The following PTPRD variants were observed in gnomAD, a reference collection of about 807,000 sequenced individuals.
PTPRD encodes receptor-type tyrosine-protein phosphatase delta.
In PTPRD, 34 loss-of-function variants were observed where a neutral mutation model predicts 214.5. That is an observed-to-expected ratio of 0.16 (90% CI 0.12 to 0.21). The LOEUF is 0.21. Among genes scored for constraint, PTPRD ranks in the 10% least tolerant of loss-of-function variants. PTPRD has a pLI of 1.00. For missense variants in PTPRD, 2,545 were observed against 2,398.7 expected (o/e 1.06, Z -1.27); for synonymous variants, 1,128 against 845.7 (o/e 1.33, Z -5.79).
intron 2 of PTPRD, among the ~76,000 whole-genome samples, chr9:10,360,374 A>G (rs1234224416): frequency 6.6e-6 from 1 of 152,252 alleles, no homozygotes; most frequent in East Asian, 1.9e-4. Flanking sequence ...TTATTTTACT[A>G]TATCAGACAA....
At chr9:9,108,960 C>T (rs781130286) in intron 10 of PTPRD, among the ~76,000 whole-genome samples, 7 of 152,148 alleles carry the variant, frequency 4.6e-5, no homozygotes, top group Non-Finnish European at 1.0e-4. Flanking sequence ...TCTCATTCAA[C>T]TGAACCCAAT....
Position 9,114,545 on chromosome 9 carries a change from T to C in PTPRD, c.-143+68759A>G, listed in dbSNP as rs915334835. 7.2e-5 allele frequency among the ~76,000 whole-genome samples: 11 copies of C among 152,108 alleles called. No homozygotes were observed. In the East Asian group the frequency reaches 9.6e-4, roughly 13 times the overall value. ...CTTTTTAACCACATCAACATGAATA[T>C]TGACATTCTCCTGAGACCCAGTGTA... On this transcript the variant is annotated intron_variant, in intron 10 of 45. Coordinates refer to ENST00000381196, the MANE Select transcript of PTPRD (RefSeq NM_002839.4).
intron 8 of PTPRD, among the ~76,000 whole-genome samples, chr9:9,426,976 G>GA (rs1432742662): frequency 6.6e-6 from 1 of 152,162 alleles, no homozygotes; most frequent in African/African-American, 2.4e-5. Context: ...CAGAAAAGAT[G>GA]AAAAATCTAA....
chr9:10,292,830 T>C (rs1269771223), intron 3 of PTPRD, among the ~76,000 whole-genome samples: 2 of 151,928 alleles, frequency 1.3e-5, no homozygotes, highest in Non-Finnish European at 2.9e-5. Flanking sequence ...TTCTTCCATT[T>C]AATGTTACTG....
chr9:10,499,614 T>C (rs1206416032), intron 2 of PTPRD, among the ~76,000 whole-genome samples: 1 of 151,896 alleles, frequency 6.6e-6, no homozygotes, highest in African/African-American at 2.4e-5. Context: ...TAAATAGATA[T>C]GAACTTGTTT....
At chr9:9,652,106 G>C (rs771937272) in intron 7 of PTPRD, among the ~76,000 whole-genome samples, 5 of 151,966 alleles carry the variant, frequency 3.3e-5, no homozygotes, top group Admixed American at 6.6e-5. Context: ...CTCCCAAAGC[G>C]CTGGGATTTA....
At chr9:10,439,702 T>A (rs2098746663) in intron 2 of PTPRD, among the ~76,000 whole-genome samples, 1 of 151,800 alleles carries the variant, frequency 6.6e-6, no homozygotes, top group African/African-American at 2.4e-5. Flanking sequence ...ACACAGACTG[T>A]TTGGAATTTT....
At chr9:10,392,234 C>G (rs1183021571) in intron 2 of PTPRD, among the ~76,000 whole-genome samples, 1 of 151,804 alleles carries the variant, frequency 6.6e-6, no homozygotes, top group African/African-American at 2.4e-5. Flanking sequence ...ATGTATGTAT[C>G]CACAATATGG....
chr9:9,199,925 T>G (rs2099940883), intron 9 of PTPRD, among the ~76,000 whole-genome samples: 1 of 152,192 alleles, frequency 6.6e-6, no homozygotes, highest in African/African-American at 2.4e-5. Flanking sequence ...CCTAGCAGTG[T>G]GGTTTAGCAA....
At chr9:8,741,889 G>A (rs544324192) in intron 11 of PTPRD, among the ~76,000 whole-genome samples, 134 of 151,848 alleles carry the variant, frequency 8.8e-4, no homozygotes, top group Middle Eastern at 6.9e-3. Context: ...GCGCCTGACC[G>A]GGCATTTCTT....
intron 3 of PTPRD, among the ~76,000 whole-genome samples, chr9:10,111,199 T>C (rs916286005): frequency 1.2e-4 from 18 of 151,612 alleles, no homozygotes; most frequent in Non-Finnish European, 2.7e-4. Flanking sequence ...GAAAATGGTG[T>C]TTATAATCTG....
chr9:8,671,184 C>T (rs549967463), intron 12 of PTPRD, among the ~76,000 whole-genome samples: 2 of 152,116 alleles, frequency 1.3e-5, no homozygotes, highest in East Asian at 3.9e-4. Flanking sequence ...ACGAATAACC[C>T]AAAATTTGAA....
At chr9:9,768,280 A>C (rs781402970) in intron 5 of PTPRD, among the ~76,000 whole-genome samples, 3 of 152,214 alleles carry the variant, frequency 2.0e-5, no homozygotes, top group Non-Finnish European at 4.4e-5. Flanking sequence ...AGATTAAATG[A>C]GTCATTACAA....
rs538918969 is a variant in PTPRD at position 9,964,647 on chromosome 9, A to T, written c.-471-26037T>A. On this transcript the variant is annotated intron_variant, in intron 4 of 45. Coordinates refer to ENST00000381196, the MANE Select transcript of PTPRD (RefSeq NM_002839.4). ...TTTCTTTTTAGTTTATAAAGTTTTT[A>T]AAAAATGTTTAGTTTATAAGCCTAT... Among the ~76,000 whole-genome samples the T allele has an allele frequency of 2.1e-3, 318 of 152,310 alleles. 6 individuals carry two copies. The highest frequency in any genetic ancestry group is 9.6e-4 in the Non-Finnish European group (65 of 68,020).
intron 9 of PTPRD, among the ~76,000 whole-genome samples, chr9:9,380,346 T>C (rs917637731): frequency 6.6e-6 from 1 of 152,092 alleles, no homozygotes; most frequent in African/African-American, 2.4e-5. Context: ...TTTAGAAGAA[T>C]GCAATTTATT....
At chr9:10,450,194 C>T (rs2098831063) in intron 2 of PTPRD, among the ~76,000 whole-genome samples, 1 of 151,432 alleles carries the variant, frequency 6.6e-6, no homozygotes, top group South Asian at 2.1e-4. Flanking sequence ...GTCCTATGAC[C>T]CTGGCAAATC....
intron 11 of PTPRD, among the ~76,000 whole-genome samples, chr9:8,859,547 C>T (rs1400030947): frequency 2.0e-5 from 3 of 152,190 alleles, no homozygotes; most frequent in South Asian, 2.1e-4. Flanking sequence ...CCAGCACATA[C>T]ACACAATACT....
At chr9:9,950,442 AGGCCGGGCGCGGT>A (rs2093338907) in intron 4 of PTPRD, among the ~76,000 whole-genome samples, 3 of 100,632 alleles carry the variant, frequency 3.0e-5, no homozygotes, top group Non-Finnish European at 5.3e-5. Flanking sequence ...AAGAAAGTGG[AGGCCGGGCGCGGT>A]GGCTCACGCC....
chr9:8,944,883 T>C (rs1443092873), intron 11 of PTPRD, among the ~76,000 whole-genome samples: 1 of 152,040 alleles, frequency 6.6e-6, no homozygotes, highest in Non-Finnish European at 1.5e-5. Flanking sequence ...CATTTTCAAA[T>C]AATTGAGGGA....
Sources: gnomAD v4.1 joint callset for allele counts (sites outside exome capture counted in the v4.1 genomes callset) on GRCh38, gnomAD v4.1.1 for gene constraint, MANE v1.5 for transcripts, NCBI Gene and HGNC (gene_info 2026-07-23, HGNC 2026-07-21) for gene names.